Variants in THSD7A observed in about 807,000 individuals in gnomAD.
THSD7A encodes thrombospondin type 1 domain containing 7A.
In THSD7A, 96 loss-of-function variants were observed where a neutral mutation model predicts 231.3. The ratio of observed to expected loss-of-function variants is 0.41; its 90% CI spans 0.35 to 0.49. The LOEUF (loss-of-function observed/expected upper bound fraction) is 0.49, where lower values mean the gene tolerates loss of function less well. THSD7A is among the 20% of genes least tolerant of loss of function. THSD7A has a pLI of 0.05. For missense variants in THSD7A, 2,290 were observed against 2,070.2 expected (o/e 1.11, Z -2.06); for synonymous variants, 940 against 743.3 (o/e 1.26, Z -4.30).
chr7:11,419,689 G>C (rs1784078447), intron 16 of THSD7A, among the ~76,000 whole-genome samples: 1 of 152,208 alleles, frequency 6.6e-6, no homozygotes, highest in Non-Finnish European at 1.5e-5. Context: ...AGTTTGGAGG[G>C]ATCAGAAGAA....
chr7:11,500,907 C>T (rs1363732634), intron 6 of THSD7A, among the ~76,000 whole-genome samples: 1 of 148,646 alleles, frequency 6.7e-6, no homozygotes, highest in Non-Finnish European at 1.5e-5. Context: ...GCACTCCAGC[C>T]TGGGTGACAG....
intron 1 of THSD7A, among the ~76,000 whole-genome samples, chr7:11,825,921 G>T (rs1353071769): frequency 2.0e-5 from 3 of 152,122 alleles, no homozygotes; most frequent in Non-Finnish European, 4.4e-5. Flanking sequence ...CTTGTATTGG[G>T]ATAATGCCAC....
chr7:11,556,455 AATC>A (rs1789850217), intron 4 of THSD7A, among the ~76,000 whole-genome samples: 1 of 151,798 alleles, frequency 6.6e-6, no homozygotes, highest in Non-Finnish European at 1.5e-5. Context: ...GTATTTTTAG[AATC>A]ATATCAGGTA....
At chr7:11,503,206 T>C (rs935035140) in intron 6 of THSD7A, among the ~76,000 whole-genome samples, 5 of 152,244 alleles carry the variant, frequency 3.3e-5, no homozygotes, top group Admixed American at 3.3e-4. Flanking sequence ...AAACAAGCAA[T>C]GGGGAAAAGA....
chr7:11,789,482 C>A (rs1311382837), intron 1 of THSD7A, among the ~76,000 whole-genome samples: 1 of 151,882 alleles, frequency 6.6e-6, no homozygotes, highest in East Asian at 1.9e-4. Flanking sequence ...TATAAGCTGG[C>A]AACATGTCTT....
At chr7:11,703,084 G>A (rs922719191) in intron 1 of THSD7A, among the ~76,000 whole-genome samples, 2 of 151,178 alleles carry the variant, frequency 1.3e-5, no homozygotes, top group African/African-American at 4.8e-5. Context: ...CACTCAGCTA[G>A]TCATTTTCTC....
chr7:11,673,920 A>G (rs1364735335), intron 1 of THSD7A, among the ~76,000 whole-genome samples: 2 of 152,044 alleles, frequency 1.3e-5, no homozygotes, highest in African/African-American at 4.8e-5. Context: ...CTAGGCTGAA[A>G]AGCCCAGGCT....
At position 11,505,898 on chromosome 7, in the gene THSD7A, A is replaced by G. The variant is rs185805123; in HGVS notation, c.1823-23916T>C. Among the ~76,000 whole-genome samples, 399 of 152,282 alleles carry G rather than the reference A, an allele frequency of 2.6e-3. 3 individuals are homozygous for G. The highest frequency in any genetic ancestry group is 9.2e-3 in the African/African-American group (383 of 41,558). On this transcript the variant is annotated intron_variant, in intron 6 of 27. Transcript: ENST00000423059. The stretch of plus-strand genomic sequence containing the variant: ...CTTCTTCTCGTAGTGACTTGACATG[A>G]GAAGAATCTGGACTTGCGGGATGGG...
chr7:11,728,639 T>C (rs113403505), intron 1 of THSD7A, among the ~76,000 whole-genome samples: 2,039 of 152,038 alleles, frequency 0.013, 43 homozygotes, highest in African/African-American at 0.046. Flanking sequence ...TGAATTATGA[T>C]TTGCATCAAC....
At chr7:11,582,386 ACC>A (rs1791203676) in intron 4 of THSD7A, among the ~76,000 whole-genome samples, 1 of 151,996 alleles carries the variant, frequency 6.6e-6, no homozygotes, top group Non-Finnish European at 1.5e-5. Context: ...CAATATTTCC[ACC>A]TTTTTCCTAA....
rs1194209102 is a variant in THSD7A, at chr7:11,627,377, A to ATAAATATATGTAGCCTT, written c.1022+8752_1022+8753insAAGGCTACATATATTTA. ...TATGTGTTGGTATATAGCCTTACATAATATACCTACATATAAATATATACA... is the reference window on the plus strand; with the variant it reads ...TATGTGTTGGTATATAGCCTTACATATAAATATATGTAGCCTTATATACCTACATATAAATATATACA... On this transcript the variant is annotated intron_variant, in intron 2 of 27. Transcript: ENST00000423059. 9.2e-5 allele frequency among the ~76,000 whole-genome samples: 14 copies of ATAAATATATGTAGCCTT among 152,204 alleles called. No homozygotes were observed. The East Asian group carries it at 2.7e-3, about 29-fold the overall frequency.
chr7:11,505,719 AT>A (rs1280636388), intron 6 of THSD7A, among the ~76,000 whole-genome samples: 1 of 152,192 alleles, frequency 6.6e-6, no homozygotes, highest in Non-Finnish European at 1.5e-5. Flanking sequence ...CAATAGGGTT[AT>A]GGCAAATTTT....
intron 2 of THSD7A, among the ~76,000 whole-genome samples, chr7:11,601,531 A>C (rs901244449): frequency 3.0e-4 from 46 of 152,168 alleles, no homozygotes; most frequent in African/African-American, 1.1e-3. Context: ...CAAGAGATGC[A>C]GCTCTTGTGG....
intron 16 of THSD7A, among the ~76,000 whole-genome samples, chr7:11,418,651 C>T (rs1261146371): frequency 6.6e-6 from 1 of 152,148 alleles, no homozygotes; most frequent in Non-Finnish European, 1.5e-5. Context: ...TTACAATCAG[C>T]AGGGACATTC....
At chr7:11,512,946 T>TATATATATATATATATATATAA (rs1451874427) in intron 6 of THSD7A, among the ~76,000 whole-genome samples, 1 of 107,154 alleles carries the variant, frequency 9.3e-6, no homozygotes, top group Non-Finnish European at 2.0e-5. Flanking sequence ...AACTATGATA[T>TATATATATATATATATATATAA]ATATATATAT....
chr7:11,758,515 C>T (rs556523172), intron 1 of THSD7A, among the ~76,000 whole-genome samples: 15 of 152,000 alleles, frequency 9.9e-5, no homozygotes, highest in South Asian at 4.1e-4. Flanking sequence ...GTAAAAGTTA[C>T]GAGTGTACTG....
chr7:11,500,631 G>C (rs1225155504), intron 6 of THSD7A, among the ~76,000 whole-genome samples: 1 of 151,476 alleles, frequency 6.6e-6, no homozygotes, highest in African/African-American at 2.4e-5. Context: ...AATCTACCAA[G>C]CAAATGGAAA....
intron 1 of THSD7A, among the ~76,000 whole-genome samples, chr7:11,804,546 T>A (rs2128182449): frequency 6.6e-6 from 1 of 152,296 alleles, no homozygotes; most frequent in East Asian, 1.9e-4. Context: ...TGGAGATTTG[T>A]TAAAAGTGAT....
At chr7:11,488,390 A>G (rs1012299251) in intron 6 of THSD7A, among the ~76,000 whole-genome samples, 2 of 152,130 alleles carry the variant, frequency 1.3e-5, no homozygotes, top group Admixed American at 6.6e-5. Context: ...TAACCATCTT[A>G]TCTGAACTCT....
Sources: allele counts gnomAD v4.1 joint callset (sites outside exome capture counted in the v4.1 genomes callset), GRCh38; gene constraint gnomAD v4.1.1; transcripts MANE v1.5; gene names NCBI Gene and HGNC (gene_info 2026-07-23, HGNC 2026-07-21).